The following TMEM98 variants were observed in gnomAD, a reference collection of about 807,000 sequenced individuals.
The protein encoded by TMEM98 is transmembrane protein 98.
In TMEM98, 18 loss-of-function variants were observed where a neutral mutation model predicts 25.0. The observed-to-expected ratio is 0.72, with a 90% CI of 0.50 to 1.07. The LOEUF (loss-of-function observed/expected upper bound fraction) is 1.07. Among genes scored for constraint, TMEM98 ranks in the 50% least tolerant of loss-of-function variants. The pLI is 0.00. For synonymous variants in TMEM98, 103 were observed against 112.4 expected (o/e 0.92, Z 0.53); for missense variants, 241 against 289.0 (o/e 0.83, Z 1.20).
intron 2 of TMEM98, 26 bp downstream of exon 2, chr17:32,931,428 T>C: frequency 6.7e-7 from 1 of 1,485,444 alleles, no homozygotes; most frequent in Non-Finnish European, 9.0e-7. Context: ...CCCACTCTCT[T>C]TCGTGGCTTC....
Position 32,943,747 on chromosome 17 carries a change from A to G in TMEM98, c.*2754A>G, listed in dbSNP as rs1200368467. The G allele has an allele frequency of 6.6e-6, 1 of 152,204 alleles. No individual in the cohort carries two copies. Among genetic ancestry groups the G allele is most frequent in the Non-Finnish European group, 1.5e-5 (1 of 68,070 alleles). 9.4% of individuals were successfully genotyped at this position (152,204 alleles called of 1,614,324 possible). On this transcript the variant is annotated 3_prime_UTR_variant, in exon 8 of 8. Coordinates refer to ENST00000579849, the MANE Select transcript of TMEM98 (RefSeq NM_015544.3). ...TTGGTATGTCAACAAGCAAAACGGTATGTGTGAGCTGCCCAATTGTGGGCC... is the reference window on the plus strand; with the variant it reads ...TTGGTATGTCAACAAGCAAAACGGTGTGTGTGAGCTGCCCAATTGTGGGCC...
chr17:32,934,907 G>C (rs2151112565), intron 5 of TMEM98, among the ~76,000 whole-genome samples: 1 of 152,246 alleles, frequency 6.6e-6, no homozygotes, highest in South Asian at 2.1e-4. Flanking sequence ...TTGCATTTTG[G>C]GTAATTTTAT....
chr17:32,939,657 C>A, intron 7 of TMEM98, 121 bp downstream of exon 7: 1 of 1,210,184 alleles, frequency 8.3e-7, no homozygotes, highest in Non-Finnish European at 1.2e-6. Context: ...CCTCCTTAGG[C>A]TGCCCGGGCC....
At position 32,940,806 on chromosome 17, in the gene TMEM98, CT is replaced by C; in HGVS notation, c.495del (p.Val166SerfsTer7). ...LDARTTALLL[S>X]VSHLVLVTRN... is the part of the protein sequence containing the mutation. Reference sequence around the variant, plus strand: ...CCTAGGACGACTGCCCTGCTCCTGTCTGTCAGTCACCTGGTGCTGGTGACAA... The same window carrying C: ...CCTAGGACGACTGCCCTGCTCCTGTCGTCAGTCACCTGGTGCTGGTGACAA... On this transcript the variant is annotated frameshift_variant, in exon 8 of 8. Transcript: ENST00000579849. LOFTEE classifies it high-confidence loss of function. The C allele has an allele frequency of 6.2e-7, 1 of 1,614,084 alleles. No homozygotes were observed. The highest frequency in any genetic ancestry group is 8.5e-7 in the Non-Finnish European group (1 of 1,179,966).
chr17:32,933,314 A>T lies in TMEM98; in HGVS notation c.263+9A>T. 1 of 1,614,012 alleles carries T rather than the reference A, an allele frequency of 6.2e-7. No individual in the cohort carries two copies. Among genetic ancestry groups the T allele is most frequent in the South Asian group, 1.1e-5 (1 of 91,074 alleles). The stretch of plus-strand genomic sequence containing the variant: ...TGGATCGAAGATGCCTCGTAAGGCC[A>T]TGGGAACTGTTTGCTTCCGGGCTTC... On this transcript the variant is annotated intron_variant, in intron 4 of 7. Coordinates refer to ENST00000579849, the MANE Select transcript of TMEM98 (RefSeq NM_015544.3).
intron 5 of TMEM98, among the ~76,000 whole-genome samples, chr17:32,934,693 G>C (rs2091487183): frequency 6.6e-6 from 1 of 152,168 alleles, no homozygotes; most frequent in Admixed American, 6.5e-5. Context: ...TTCACTAACA[G>C]AGAGTTCAGG....
chr17:32,934,590 C>T lies in TMEM98; in HGVS notation c.297+266C>T, dbSNP rs146138081. Among the ~76,000 whole-genome samples, 15 of 152,304 alleles carry T rather than the reference C, an allele frequency of 9.8e-5. No individual in the cohort carries two copies. In the East Asian group the frequency reaches 1.5e-3, roughly 16 times the overall value. ...AAAGACAGCCTAGGTACACAGCCAC[C>T]ATTTCACTCCTCTTGGAGAAAGCTG... On this transcript the variant is annotated intron_variant, in intron 5 of 7. Coordinates refer to ENST00000579849, the MANE Select transcript of TMEM98 (RefSeq NM_015544.3).
rs1240340527 is a variant in TMEM98 at position 32,941,025 on chromosome 17, C to T, written c.*32C>T. 6.4e-7 allele frequency: 1 copy of T among 1,551,988 alleles called. No homozygotes were observed. The highest frequency in any genetic ancestry group is 8.8e-7 in the Non-Finnish European group (1 of 1,142,400). On this transcript the variant is annotated 3_prime_UTR_variant, in exon 8 of 8. Coordinates refer to ENST00000579849, the MANE Select transcript of TMEM98 (RefSeq NM_015544.3). The stretch of plus-strand genomic sequence containing the variant: ...CAGGCCAGCAGCTAGCCATGAAGGC[C>T]CCTGCCGCCATCCCTGGATGGCTCA...
intron 6 of TMEM98, among the ~76,000 whole-genome samples, chr17:32,937,977 G>C (rs2091506024): frequency 6.6e-6 from 1 of 152,194 alleles, no homozygotes; most frequent in South Asian, 2.1e-4. Context: ...GAGCCACTTA[G>C]AGGCCAGGCA....
chr17:32,928,530 C>T (rs1757069280), intron 1 of TMEM98, among the ~76,000 whole-genome samples: 1 of 151,648 alleles, frequency 6.6e-6, no homozygotes, highest in African/African-American at 2.4e-5. Context: ...TCTGTTCTGT[C>T]CTTGTGGTTC....
At chr17:32,929,967 CCTAT>C (rs1235448860) in intron 1 of TMEM98, among the ~76,000 whole-genome samples, 1 of 152,064 alleles carries the variant, frequency 6.6e-6, no homozygotes, top group African/African-American at 2.4e-5. Flanking sequence ...GGGTCTCTGT[CCTAT>C]CTATCTCCAA....
intron 1 of TMEM98, among the ~76,000 whole-genome samples, chr17:32,929,999 A>G (rs2091458195): frequency 6.6e-6 from 1 of 152,136 alleles, no homozygotes. Context: ...TGCATGATGC[A>G]TAGTAGATGA....
At chr17:32,930,202 G>A (rs1216211299) in intron 1 of TMEM98, among the ~76,000 whole-genome samples, 3 of 152,096 alleles carry the variant, frequency 2.0e-5, no homozygotes, top group Non-Finnish European at 4.4e-5. Flanking sequence ...AGACAAGCAG[G>A]AGGCCTACAA....
At chr17:32,928,943 CAA>C (rs1339416834) in intron 1 of TMEM98, among the ~76,000 whole-genome samples, 4 of 126,800 alleles carry the variant, frequency 3.2e-5, no homozygotes, top group African/African-American at 1.2e-4. Flanking sequence ...GAAGCACACT[CAA>C]ACATTCAGTT....
rs1427021611 is a variant in TMEM98, at chr17:32,942,607, C to T, written c.*1614C>T. On this transcript the variant is annotated 3_prime_UTR_variant, in exon 8 of 8. Transcript: ENST00000579849. ...TGTACACCAAACCACAGAACCACAG[C>T]TGGGATATGGAGTCAGGAGAGGGAA... 6.6e-6 allele frequency: 1 copy of T among 152,200 alleles called. No individual in the cohort carries two copies. Among genetic ancestry groups the T allele is most frequent in the Non-Finnish European group, 1.5e-5 (1 of 68,056 alleles). The allele number at this position is 152,200 out of a possible 1,614,324, so 9.4% of individuals were successfully genotyped here.
chr17:32,934,174 C>T (rs1355742012), intron 4 of TMEM98, 117 bp from the exon 5 acceptor site: 3 of 1,103,220 alleles, frequency 2.7e-6, no homozygotes, highest in African/African-American at 3.1e-5. Flanking sequence ...TTCCCACTCT[C>T]AGTGGTTGGT....
chr17:32,939,553 G>A lies in TMEM98; in HGVS notation c.473+17G>A. The A allele has an allele frequency of 6.2e-7, 1 of 1,614,066 alleles. No individual in the cohort carries two copies. Among genetic ancestry groups the A allele is most frequent in the Non-Finnish European group, 8.5e-7 (1 of 1,179,914 alleles). ...GGACGCACGGTGAGACCAGGGGTGG[G>A]TGCATGTTCGGTTTTTCATGCAGAG... On this transcript the variant is annotated intron_variant, in intron 7 of 7. Transcript: ENST00000579849.
chr17:32,931,879 A>C (rs2091471628), intron 3 of TMEM98, among the ~76,000 whole-genome samples: 1 of 152,132 alleles, frequency 6.6e-6, no homozygotes. Context: ...GCCAAGAAGA[A>C]AGTCACTGAA....
At chr17:32,937,187 GC>G (rs892455635) in intron 6 of TMEM98, among the ~76,000 whole-genome samples, 5 of 152,186 alleles carry the variant, frequency 3.3e-5, no homozygotes, top group African/African-American at 1.2e-4. Context: ...TGGCCCCTCC[GC>G]CCACCCGGGA....
Sources: allele counts gnomAD v4.1 joint callset (sites outside exome capture counted in the v4.1 genomes callset), GRCh38; gene constraint gnomAD v4.1.1; transcripts MANE v1.5; gene names NCBI Gene and HGNC (gene_info 2026-07-23, HGNC 2026-07-21).